The following RBFOX3 variants were observed in gnomAD, a reference collection of about 807,000 sequenced individuals.
The protein encoded by RBFOX3 is RNA binding fox-1 homolog 3, also known as RNA binding protein fox-1 homolog 3.
In RBFOX3, 17 loss-of-function variants were observed where a neutral mutation model predicts 48.7. That is an observed-to-expected ratio of 0.35 (90% CI 0.24 to 0.52). The LOEUF (loss-of-function observed/expected upper bound fraction) is 0.52, where lower values mean the gene tolerates loss of function less well. Ranked by LOEUF, RBFOX3 falls within the 20% of genes least tolerant of loss-of-function variation. The pLI, the probability that RBFOX3 is intolerant of heterozygous loss-of-function variation, is 0.94. For synonymous variants in RBFOX3, 212 were observed against 209.5 expected (o/e 1.01, Z -0.10); for missense variants, 382 against 497.5 (o/e 0.77, Z 2.21).
At chr17:79,112,917 G>GGT (rs2032476219) in intron 5 of RBFOX3, among the ~76,000 whole-genome samples, 1 of 109,668 alleles carries the variant, frequency 9.1e-6, no homozygotes, top group African/African-American at 3.8e-5. Context: ...GGGGGGGGTG[G>GGT]GCTGGGTAGG....
At chr17:79,586,059 A>G (rs2144945737) in intron 1 of RBFOX3, among the ~76,000 whole-genome samples, 1 of 152,258 alleles carries the variant, frequency 6.6e-6, no homozygotes, top group Admixed American at 6.5e-5. Flanking sequence ...GAGATGCCCC[A>G]ACTGTTCACA....
rs2071688013 is a variant in RBFOX3, at chr17:79,443,917, T to G, written c.-175+38537A>C. Among the ~76,000 whole-genome samples, 1 of 152,176 alleles carries G rather than the reference T, an allele frequency of 6.6e-6. No homozygotes were observed. The highest frequency in any genetic ancestry group is 2.1e-4 in the South Asian group (1 of 4,828). On this transcript the variant is annotated intron_variant, in intron 2 of 14. Transcript: ENST00000693108. This position sits in a 1 kb window ranked among gnomAD's most constrained non-coding sequence, Gnocchi z 4.4. ...ATCCTACAGGGTACCCGTGACTTACTGGGCTATCCCGAGTGCCGTGACACT... is the reference window on the plus strand; with the variant it reads ...ATCCTACAGGGTACCCGTGACTTACGGGGCTATCCCGAGTGCCGTGACACT...
rs148863918 is a variant in RBFOX3, at chr17:79,090,769, GT to G, written c.*113del. 1,540 of 1,147,658 alleles carry G rather than the reference GT, an allele frequency of 1.3e-3. No homozygotes were observed. The highest frequency in any genetic ancestry group is 1.8e-3 in the Middle Eastern group (8 of 4,528). 71.1% of individuals were successfully genotyped at this position (1,147,658 alleles called of 1,614,324 possible). A position where few individuals can be genotyped will look rare whatever the true frequency, so the allele number is the denominator to read the frequency against. ...GGTTGGATGCCTCTTGGTTTGGTTG[GT>G]TTTTTTTTTGTTGCTTGGATCTTAA... On this transcript the variant is annotated 3_prime_UTR_variant, in exon 15 of 15. Coordinates refer to ENST00000693108, the MANE Select transcript of RBFOX3 (RefSeq NM_001350451.2).
At chr17:79,611,184 TC>T (rs2093965634), upstream of RBFOX3, among the ~76,000 whole-genome samples, 1 of 588 alleles carries the variant, frequency 1.7e-3, no homozygotes, top group Non-Finnish European at 3.6e-3. Flanking sequence ...CCGCCCTCCT[TC>T]TCTCTCTCTC....
intron 2 of RBFOX3, among the ~76,000 whole-genome samples, chr17:79,475,394 C>A (rs1020963061): frequency 3.0e-4 from 45 of 152,040 alleles, no homozygotes; most frequent in African/African-American, 9.9e-4. Flanking sequence ...AGATCAGGGC[C>A]GAGGGTCAGG....
At chr17:79,320,695 T>A (rs78724171) in intron 2 of RBFOX3, among the ~76,000 whole-genome samples, 3 of 151,460 alleles carry the variant, frequency 2.0e-5, no homozygotes, top group Non-Finnish European at 4.4e-5. Flanking sequence ...GCGTTGCCAA[T>A]AGAGCCCTCA....
intron 3 of RBFOX3, among the ~76,000 whole-genome samples, chr17:79,263,402 C>G (rs867944715): frequency 1.7e-4 from 26 of 152,368 alleles, no homozygotes; most frequent in Middle Eastern, 6.8e-3. Flanking sequence ...GTTTGGAACG[C>G]TGGAAGGCAC....
chr17:79,615,993 T>G (rs2093992412), upstream of RBFOX3, among the ~76,000 whole-genome samples: 1 of 152,140 alleles, frequency 6.6e-6, no homozygotes, highest in African/African-American at 2.4e-5. Flanking sequence ...ACTTTCATAT[T>G]CAGCACTGGA....
intron 2 of RBFOX3, among the ~76,000 whole-genome samples, chr17:79,475,520 G>A (rs1244786720): frequency 6.6e-6 from 1 of 152,148 alleles, no homozygotes; most frequent in Non-Finnish European, 1.5e-5. Flanking sequence ...ACATGTTCCA[G>A]CCCTAACCCC....
At chr17:79,267,349 G>A (rs532229940) in intron 3 of RBFOX3, among the ~76,000 whole-genome samples, 9 of 152,192 alleles carry the variant, frequency 5.9e-5, no homozygotes, top group African/African-American at 2.2e-4. Flanking sequence ...GTCCAGTCCT[G>A]AAATGCTGTG....
chr17:79,320,291 ACCTC>A (rs1452136027), intron 2 of RBFOX3, among the ~76,000 whole-genome samples: 1 of 151,642 alleles, frequency 6.6e-6, no homozygotes, highest in African/African-American at 2.4e-5. Context: ...CACCAGAGGG[ACCTC>A]CCAGGACCAG....
chr17:79,321,427 C>T (rs529210498), intron 2 of RBFOX3, among the ~76,000 whole-genome samples: 3 of 152,216 alleles, frequency 2.0e-5, no homozygotes, highest in Admixed American at 6.5e-5. Context: ...GGCCCCAACA[C>T]GCCCACTCCT....
At chr17:79,149,549 C>T (rs973849727) in intron 4 of RBFOX3, among the ~76,000 whole-genome samples, 5 of 151,976 alleles carry the variant, frequency 3.3e-5, no homozygotes, top group Middle Eastern at 3.4e-3. Context: ...GTGGGTGGGG[C>T]AGTGGGAAGT....
chr17:79,459,962 C>T (rs73426812), intron 2 of RBFOX3, among the ~76,000 whole-genome samples: 4,590 of 152,164 alleles, frequency 0.03, 241 homozygotes, highest in African/African-American at 0.1. Flanking sequence ...GAAGATTACT[C>T]AGCTGCAAAA....
At chr17:79,178,308 A>T (rs897547957) in intron 4 of RBFOX3, among the ~76,000 whole-genome samples, 4 of 152,362 alleles carry the variant, frequency 2.6e-5, no homozygotes, top group African/African-American at 9.6e-5. Flanking sequence ...GGTTCAGGGG[A>T]GATCAGGCTA....
At chr17:79,347,284 T>C (rs2083071317) in intron 2 of RBFOX3, among the ~76,000 whole-genome samples, 1 of 152,230 alleles carries the variant, frequency 6.6e-6, no homozygotes, top group Admixed American at 6.5e-5. Flanking sequence ...TTTATCTTTG[T>C]TATTCTTAAA....
intron 2 of RBFOX3, among the ~76,000 whole-genome samples, chr17:79,316,807 C>A (rs1025813976): frequency 3.3e-5 from 5 of 152,198 alleles, no homozygotes; most frequent in Admixed American, 6.5e-5. Context: ...TCATACCATG[C>A]AATATTTGGG....
intron 2 of RBFOX3, among the ~76,000 whole-genome samples, chr17:79,320,252 C>T (rs1008503570): frequency 1.3e-5 from 2 of 152,152 alleles, no homozygotes; most frequent in Non-Finnish European, 2.9e-5. Context: ...TGCATGGAGC[C>T]GCTCTTGGTG....
rs1329129790 is a variant in RBFOX3 at position 79,479,178 on chromosome 17, T to G, written c.-175+3276A>C. On this transcript the variant is annotated intron_variant, in intron 2 of 14. Coordinates refer to ENST00000693108, the MANE Select transcript of RBFOX3 (RefSeq NM_001350451.2). This position sits in a 1 kb window ranked among gnomAD's most constrained non-coding sequence, Gnocchi z 5.1. ...AAGCCCCTTCCTCTAGTCACATTCC[T>G]TTGGGCCATGGACGGCATCCACATG... Among the ~76,000 whole-genome samples the G allele has an allele frequency of 1.3e-5, 2 of 152,204 alleles. No homozygotes were observed. Among genetic ancestry groups the G allele is most frequent in the African/African-American group, 2.4e-5 (1 of 41,468 alleles).
Sources: allele counts gnomAD v4.1 joint callset (sites outside exome capture counted in the v4.1 genomes callset), GRCh38; gene constraint gnomAD v4.1.1; non-coding constraint Gnocchi (gnomAD v3.1); transcripts MANE v1.5; gene names NCBI Gene and HGNC (gene_info 2026-07-23, HGNC 2026-07-21).